Variants in LRRK2 observed in about 807,000 individuals in gnomAD.
LRRK2 encodes leucine-rich repeat serine/threonine-protein kinase 2.
In LRRK2, 203 loss-of-function variants were observed where a neutral mutation model predicts 302.6. The observed-to-expected ratio is 0.67, with a 90% CI of 0.60 to 0.75. The LOEUF is 0.75. Ranked by LOEUF, LRRK2 falls within the 30% of genes least tolerant of loss-of-function variation. LRRK2 has a pLI of 0.00. For missense variants in LRRK2, 2,830 were observed against 2,951.0 expected, an observed-to-expected ratio of 0.96 and a Z score of 0.95; for synonymous variants, 1,066 against 1,031.9, an observed-to-expected ratio of 1.03 and a Z score of -0.63.
chr12:40,354,513 A>G (rs1271629957), intron 45 of LRRK2, 21 bp downstream of exon 45: 2 of 1,598,666 alleles, frequency 1.3e-6, no homozygotes, highest in Admixed American at 1.7e-5. Context: ...GAATTTGATC[A>G]ATGGGGAAAT....
At chr12:40,290,533 AG>A (rs1944103987) in intron 20 of LRRK2, among the ~76,000 whole-genome samples, 1 of 152,016 alleles carries the variant, frequency 6.6e-6, no homozygotes, top group Non-Finnish European at 1.5e-5. Context: ...AATTTTTGTG[AG>A]GAGGAGATTT....
chr12:40,235,020 T>C (rs1341162438), intron 3 of LRRK2, among the ~76,000 whole-genome samples: 1 of 152,198 alleles, frequency 6.6e-6, no homozygotes, highest in African/African-American at 2.4e-5. Context: ...TTTATTTTTT[T>C]AACTTTATTA....
chr12:40,302,015 A>T (rs1420894717), intron 25 of LRRK2, among the ~76,000 whole-genome samples: 2 of 152,002 alleles, frequency 1.3e-5, no homozygotes, highest in Non-Finnish European at 2.9e-5. Context: ...CATCTCTACT[A>T]AAAATACAGA....
intron 35 of LRRK2, among the ~76,000 whole-genome samples, chr12:40,321,718 G>A (rs554035093): frequency 3.9e-5 from 6 of 152,092 alleles, no homozygotes; most frequent in South Asian, 4.1e-4. Context: ...AAAGTTTTGC[G>A]TTTAGCATGA....
chr12:40,233,876 C>T (rs1941314411), intron 3 of LRRK2, among the ~76,000 whole-genome samples: 1 of 152,200 alleles, frequency 6.6e-6, no homozygotes, highest in Admixed American at 6.5e-5. Context: ...ATCTTCTATT[C>T]ATTGAATGTT....
chr12:40,355,982 C>T, intron 45 of LRRK2, 133 bp from the exon 46 acceptor site: 1 of 639,558 alleles, frequency 1.6e-6, no homozygotes, highest in South Asian at 1.9e-5. Flanking sequence ...AGTAAATACT[C>T]TAAGAAAAGG....
chr12:40,287,261 C>T, intron 19 of LRRK2, 90 bp from the exon 20 acceptor site: 1 of 1,095,090 alleles, frequency 9.1e-7, no homozygotes, highest in Non-Finnish European at 1.4e-6. Context: ...TCTCCAGAAG[C>T]ATAGCAATAC....
chr12:40,236,496 T>G (rs965603663), intron 4 of LRRK2, among the ~76,000 whole-genome samples: 1 of 152,186 alleles, frequency 6.6e-6, no homozygotes, highest in Non-Finnish European at 1.5e-5. Flanking sequence ...ATTGCTGTGC[T>G]GGACACTGGC....
chr12:40,321,685 T>G (rs1261827902), intron 35 of LRRK2, among the ~76,000 whole-genome samples: 4 of 152,106 alleles, frequency 2.6e-5, no homozygotes, highest in Non-Finnish European at 4.4e-5. Flanking sequence ...ATATAGGTAG[T>G]TACATTGCAT....
intron 44 of LRRK2, among the ~76,000 whole-genome samples, chr12:40,353,146 CG>C (rs1946414419): frequency 6.6e-6 from 1 of 151,458 alleles, no homozygotes; most frequent in African/African-American, 2.4e-5. Context: ...ACTTCCCAGA[CG>C]GGGCGGCTGC....
intron 11 of LRRK2, among the ~76,000 whole-genome samples, chr12:40,254,966 C>T (rs142540328): frequency 1.8e-4 from 28 of 152,212 alleles, no homozygotes; most frequent in African/African-American, 6.7e-4. Context: ...CTGAGCATGG[C>T]TTTATGTTTT....
chr12:40,313,950 C>G, intron 31 of LRRK2, 22 bp from the exon 32 acceptor site: 1 of 1,602,152 alleles, frequency 6.2e-7, no homozygotes, highest in South Asian at 1.1e-5. Flanking sequence ...ATTTTTACGG[C>G]TTGTCATTTG....
At chr12:40,292,571 A>C (rs2136701030) in intron 20 of LRRK2, among the ~76,000 whole-genome samples, 1 of 151,756 alleles carries the variant, frequency 6.6e-6, no homozygotes, top group African/African-American at 2.4e-5. Flanking sequence ...TATTTTATTA[A>C]AATTCTTAAG....
chr12:40,263,832 G>C lies in LRRK2; in HGVS notation c.1587G>C (p.Lys529Asn). The C allele has an allele frequency of 6.2e-7, 1 of 1,613,246 alleles. No individual in the cohort carries two copies. The highest frequency in any genetic ancestry group is 1.7e-4 in the Middle Eastern group (1 of 6,040). Reference protein sequence around the residue: ...ESREDTEFHHKLNMVKKQCFK... With the variant: ...ESREDTEFHHNLNMVKKQCFK... ...GGGAGGATACAGAATTTCATCATAAGCTAAATATGGTTAAAAAACAGTGTT... is the reference window on the plus strand; with the variant it reads ...GGGAGGATACAGAATTTCATCATAACCTAAATATGGTTAAAAAACAGTGTT... The change falls in exon 14 of 51, where the codon AAG becomes AAC. Residue 529 changes from lysine to asparagine, a missense_variant. By Grantham distance (94) the Lys-to-Asn change is moderately conservative. Coordinates refer to ENST00000298910, the MANE Select transcript of LRRK2 (RefSeq NM_198578.4).
chr12:40,294,032 G>A (rs535667272), intron 21 of LRRK2, among the ~76,000 whole-genome samples: 69 of 151,736 alleles, frequency 4.5e-4, no homozygotes, highest in Middle Eastern at 3.4e-3. Context: ...ACTTTAGCTA[G>A]AAATCTGATA....
chr12:40,242,741 C>A (rs1941787082), intron 6 of LRRK2, among the ~76,000 whole-genome samples: 1 of 141,492 alleles, frequency 7.1e-6, no homozygotes. Context: ...ATAGACCCTC[C>A]ACAATGGTTG....
intron 20 of LRRK2, 108 bp downstream of exon 20, chr12:40,287,647 A>G: frequency 9.0e-7 from 1 of 1,116,470 alleles, no homozygotes. Flanking sequence ...AAACTTGAGT[A>G]GAAATGTGTT....
chr12:40,307,764 T>C lies in LRRK2; in HGVS notation c.3960-703T>C, dbSNP rs1051145980. ...TTGAACTTTATAATTTATAGGGTTT[T>C]TCTTTTCTTTTCTTTTCTTTTTTTT... is the stretch of plus-strand genomic sequence containing the variant. On this transcript the variant is annotated intron_variant, in intron 28 of 50. Transcript: ENST00000298910. Among the ~76,000 whole-genome samples the C allele has an allele frequency of 8.3e-5, 8 of 95,834 alleles. No individual in the cohort carries two copies. In the Admixed American group the frequency reaches 1.1e-3, roughly 14 times the overall value. 62.9% of individuals were successfully genotyped at this position (95,834 alleles called of 152,430 possible).
Position 40,243,465 on chromosome 12 carries a change from A to T in LRRK2, c.707-85A>T, listed in dbSNP as rs1941828884. 14 of 1,450,180 alleles carry T rather than the reference A, an allele frequency of 9.7e-6. No homozygotes were observed. In the Admixed American group the frequency reaches 2.4e-4, roughly 25 times the overall value. The allele number at this position is 1,450,180 out of a possible 1,614,324, so 89.8% of individuals were successfully genotyped here. ...GCAGTCATTATGCTGCCATCTATTTACAGTCTATATAAGACGTCTTTGTAT... is the reference window on the plus strand; with the variant it reads ...GCAGTCATTATGCTGCCATCTATTTTCAGTCTATATAAGACGTCTTTGTAT... On this transcript the variant is annotated intron_variant, in intron 6 of 50. Coordinates refer to ENST00000298910, the MANE Select transcript of LRRK2 (RefSeq NM_198578.4).
Sources: gnomAD v4.1 joint callset for allele counts (sites outside exome capture counted in the v4.1 genomes callset) on GRCh38, gnomAD v4.1.1 for gene constraint, MANE v1.5 for transcripts, NCBI Gene and HGNC (gene_info 2026-07-23, HGNC 2026-07-21) for gene names.